The following NLGN1 variants were observed in gnomAD, a reference collection of about 807,000 sequenced individuals.
The protein encoded by NLGN1 is neuroligin-1.
In NLGN1, 12 loss-of-function variants were observed where a neutral mutation model predicts 65.5. That is an observed-to-expected ratio of 0.18 (90% CI 0.12 to 0.30). The LOEUF is 0.30. Ranked by LOEUF, NLGN1 falls within the 10% of genes least tolerant of loss-of-function variation. The pLI is 1.00. For missense variants in NLGN1, 750 were observed against 1,007.1 expected (o/e 0.74, Z 3.46); for synonymous variants, 350 against 359.5 (o/e 0.97, Z 0.30).
chr3:174,164,838 A>G (rs146160994), intron 4 of NLGN1, among the ~76,000 whole-genome samples: 4 of 151,750 alleles, frequency 2.6e-5, no homozygotes, highest in African/African-American at 9.6e-5. Flanking sequence ...AGTGCTGTGT[A>G]AAATGACATT....
intron 4 of NLGN1, among the ~76,000 whole-genome samples, chr3:173,989,149 G>T (rs1312063315): frequency 6.6e-6 from 1 of 152,152 alleles, no homozygotes; most frequent in Non-Finnish European, 1.5e-5. Flanking sequence ...TAAGGCAGTT[G>T]TTATCTCTGA....
chr3:173,666,847 TG>T (rs1276750641), intron 3 of NLGN1, among the ~76,000 whole-genome samples: 1 of 152,148 alleles, frequency 6.6e-6, no homozygotes. Flanking sequence ...AGTTTTTAAT[TG>T]CATTATTAGA....
At chr3:173,852,288 G>A (rs1289719504) in intron 4 of NLGN1, among the ~76,000 whole-genome samples, 61 of 146,480 alleles carry the variant, frequency 4.2e-4, no homozygotes, top group African/African-American at 1.4e-3. Context: ...CCCGGGAGGC[G>A]GAGCTTGCAG....
chr3:173,594,872 C>T (rs1749186854), intron 2 of NLGN1, among the ~76,000 whole-genome samples: 1 of 152,194 alleles, frequency 6.6e-6, no homozygotes, highest in African/African-American at 2.4e-5. Flanking sequence ...CCCTCTGAAG[C>T]CATAGGCTGA....
chr3:173,734,457 C>G (rs887897815), intron 3 of NLGN1, among the ~76,000 whole-genome samples: 33 of 132,820 alleles, frequency 2.5e-4, no homozygotes, highest in African/African-American at 9.0e-4. Flanking sequence ...AGTGCAGTGG[C>G]TCAATCATAG....
intron 3 of NLGN1, among the ~76,000 whole-genome samples, chr3:173,776,119 T>G (rs952234626): frequency 1.3e-5 from 2 of 152,070 alleles, no homozygotes; most frequent in African/African-American, 4.8e-5. Flanking sequence ...TTTTCTTAAC[T>G]AAAGTTTTCT....
chr3:173,506,820 A>G (rs530442377), intron 2 of NLGN1, among the ~76,000 whole-genome samples: 1 of 152,254 alleles, frequency 6.6e-6, no homozygotes, highest in African/African-American at 2.4e-5. Context: ...ATTATGCTAT[A>G]TTTTCAGTTG....
At chr3:174,287,319 T>C (rs1752241005), downstream of NLGN1, among the ~76,000 whole-genome samples, 1 of 151,438 alleles carries the variant, frequency 6.6e-6, no homozygotes. Flanking sequence ...AATTTCCTCA[T>C]ACATAGCCTA....
At chr3:173,442,844 G>C (rs540623648) in intron 2 of NLGN1, among the ~76,000 whole-genome samples, 1 of 152,188 alleles carries the variant, frequency 6.6e-6, no homozygotes, top group African/African-American at 2.4e-5. Context: ...ACTTCTGCCT[G>C]ATTAATTATA....
At chr3:174,247,674 A>G (rs1421425) in intron 4 of NLGN1, among the ~76,000 whole-genome samples, 73,854 of 151,974 alleles carry the variant, frequency 0.49, 18,845 homozygotes, top group African/African-American at 0.65. Context: ...CTCATCAAGC[A>G]ACCCAGCCTA....
intron 4 of NLGN1, among the ~76,000 whole-genome samples, chr3:174,049,162 A>G (rs1490116662): frequency 6.6e-6 from 1 of 152,106 alleles, no homozygotes; most frequent in Non-Finnish European, 1.5e-5. Context: ...AGGCTTAGAC[A>G]TAGGAAAGTT....
rs185453092 is a variant in NLGN1 at position 173,787,743 on chromosome 3, G to A, written c.494-19937G>A. 3.1e-3 allele frequency among the ~76,000 whole-genome samples: 473 copies of A among 152,264 alleles called. 16 individuals are homozygous for A. Among genetic ancestry groups the A allele is most frequent in the Admixed American group, 0.029 (436 of 15,290 alleles). On this transcript the variant is annotated intron_variant, in intron 3 of 6. Transcript: ENST00000457714. Reference sequence around the variant, plus strand: ...AGATCAAATACCTTAATTTGCTCATGGGTTTCCCAAACACAATTAGTACAC... The same window carrying A: ...AGATCAAATACCTTAATTTGCTCATAGGTTTCCCAAACACAATTAGTACAC...
chr3:173,966,839 G>C (rs1486119178), intron 4 of NLGN1, among the ~76,000 whole-genome samples: 1 of 152,154 alleles, frequency 6.6e-6, no homozygotes, highest in African/African-American at 2.4e-5. Flanking sequence ...TGCTGAACCA[G>C]GATGTATTTT....
At chr3:173,949,418 G>C (rs1326099568) in intron 4 of NLGN1, among the ~76,000 whole-genome samples, 1 of 152,042 alleles carries the variant, frequency 6.6e-6, no homozygotes, top group African/African-American at 2.4e-5. Context: ...ATCTTCTTAC[G>C]TGATTTGGGG....
At chr3:173,539,691 T>TGCATATGC (rs1560406572) in intron 2 of NLGN1, among the ~76,000 whole-genome samples, 8 of 138,412 alleles carry the variant, frequency 5.8e-5, no homozygotes, top group African/African-American at 2.2e-4. Flanking sequence ...TACATATATG[T>TGCATATGC]ACATATGCAC....
chr3:173,570,148 A>C (rs1234824177), intron 2 of NLGN1, among the ~76,000 whole-genome samples: 1 of 152,164 alleles, frequency 6.6e-6, no homozygotes, highest in East Asian at 1.9e-4. Flanking sequence ...GATAGATTGT[A>C]TCTCTGAAGG....
intron 4 of NLGN1, among the ~76,000 whole-genome samples, chr3:173,829,869 A>G (rs981049820): frequency 6.6e-6 from 1 of 152,126 alleles, no homozygotes; most frequent in African/African-American, 2.4e-5. Context: ...AGCCATGTCT[A>G]AAAGGTTTTG....
intron 2 of NLGN1, among the ~76,000 whole-genome samples, chr3:173,450,513 C>T (rs932856116): frequency 2.6e-5 from 4 of 152,104 alleles, no homozygotes; most frequent in African/African-American, 9.7e-5. Context: ...TTCATTTCAA[C>T]TTTGGTGAAT....
At chr3:173,632,849 GTTTTT>G (rs5854526) in intron 3 of NLGN1, among the ~76,000 whole-genome samples, 1 of 116,402 alleles carries the variant, frequency 8.6e-6, no homozygotes, top group African/African-American at 3.0e-5. Flanking sequence ...TTTTTTTTTT[GTTTTT>G]TTTTTTTTTT....
Sources: allele counts gnomAD v4.1 joint callset (sites outside exome capture counted in the v4.1 genomes callset), GRCh38; gene constraint gnomAD v4.1.1; transcripts MANE v1.5; gene names NCBI Gene and HGNC (gene_info 2026-07-23, HGNC 2026-07-21).